UGT2A2: variants seen among roughly 807,000 people sequenced by gnomAD.
UGT2A2 encodes the protein UDP-glucuronosyltransferase 2A2.
In UGT2A2, 60 loss-of-function variants were observed where a neutral mutation model predicts 50.7. That is an observed-to-expected ratio of 1.18 (90% CI 0.96 to 1.47). The LOEUF (loss-of-function observed/expected upper bound fraction) is 1.47, where lower values mean the gene tolerates loss of function less well. Ranked by LOEUF, UGT2A2 falls within the 40% of genes most tolerant of loss-of-function variation. The pLI is 0.00. For missense variants in UGT2A2, 762 were observed against 634.0 expected (o/e 1.20, Z -2.17); for synonymous variants, 242 against 214.6 (o/e 1.13, Z -1.11).
At chr4:69,614,485 A>T (rs1720255582) in intron 1 of UGT2A2, among the ~76,000 whole-genome samples, 1 of 151,988 alleles carries the variant, frequency 6.6e-6, no homozygotes, top group Non-Finnish European at 1.5e-5. Context: ...TAAACTTTGT[A>T]TGGAACCACA....
intron 1 of UGT2A2, among the ~76,000 whole-genome samples, chr4:69,617,236 G>C (rs1230450597): frequency 6.6e-6 from 1 of 151,866 alleles, no homozygotes. Context: ...AATCTCACTT[G>C]AGACTTTCTT....
intron 1 of UGT2A2, among the ~76,000 whole-genome samples, chr4:69,608,337 G>A (rs1719799812): frequency 6.7e-6 from 1 of 148,184 alleles, no homozygotes; most frequent in South Asian, 2.1e-4. Flanking sequence ...AACAAACACT[G>A]CATGTTCTCA....
At chr4:69,599,097 T>C in intron 2 of UGT2A2, 149 bp downstream of exon 2, 1 of 1,191,082 alleles carries the variant, frequency 8.4e-7, no homozygotes, top group African/African-American at 1.5e-5. Flanking sequence ...ATATCACTTG[T>C]AGGAGACCTC....
chr4:69,626,551 T>C (rs1220575944), intron 1 of UGT2A2, among the ~76,000 whole-genome samples: 1 of 151,640 alleles, frequency 6.6e-6, no homozygotes, highest in Non-Finnish European at 1.5e-5. Flanking sequence ...TACTGGGTGA[T>C]GGGATTATTC....
chr4:69,620,079 A>T (rs957639017), intron 1 of UGT2A2, among the ~76,000 whole-genome samples: 1 of 152,068 alleles, frequency 6.6e-6, no homozygotes, highest in Non-Finnish European at 1.5e-5. Flanking sequence ...TGGCAAAGAC[A>T]AGTATGCCCT....
intron 1 of UGT2A2, among the ~76,000 whole-genome samples, chr4:69,617,477 G>A (rs970844676): frequency 8.6e-5 from 13 of 151,810 alleles, no homozygotes; most frequent in East Asian, 7.7e-4. Flanking sequence ...ACGTATATAC[G>A]TAGACGTACA....
chr4:69,599,470 A>G, intron 1 of UGT2A2, 76 bp from the exon 2 acceptor site: 1 of 1,577,392 alleles, frequency 6.3e-7, no homozygotes, highest in Non-Finnish European at 8.5e-7. Flanking sequence ...GCTACCAGTA[A>G]TTTCCTGATA....
At chr4:69,621,850 A>G (rs1720775430) in intron 1 of UGT2A2, among the ~76,000 whole-genome samples, 1 of 151,888 alleles carries the variant, frequency 6.6e-6, no homozygotes, top group Non-Finnish European at 1.5e-5. Flanking sequence ...TGTTTTTTGC[A>G]GGAACATAGA....
rs573876768 is a variant in UGT2A2, at chr4:69,621,278, C to G, written c.742+17621G>C. On this transcript the variant is annotated intron_variant, in intron 1 of 5. Transcript: ENST00000604629. ...ACAAAGATCTAATATCCAGTATTTA[C>G]AGGGAATTTAAACAAACTTACAAGA... is the stretch of plus-strand genomic sequence containing the variant. 2.6e-5 allele frequency among the ~76,000 whole-genome samples: 4 copies of G among 151,992 alleles called. No individual in the cohort carries two copies. The East Asian group carries it at 7.7e-4, about 29-fold the overall frequency.
chr4:69,612,907 G>GAAA (rs34670944), intron 1 of UGT2A2, among the ~76,000 whole-genome samples: 18,487 of 139,776 alleles, frequency 0.13, 1,462 homozygotes, highest in Non-Finnish European at 0.17. Context: ...AACCTCTGCA[G>GAAA]AAAAAAAAAA....
intron 1 of UGT2A2, among the ~76,000 whole-genome samples, chr4:69,631,540 A>G (rs1721388637): frequency 6.6e-6 from 1 of 152,186 alleles, no homozygotes; most frequent in Admixed American, 6.5e-5. Context: ...TTTCCAAGGT[A>G]TATAACAGAA....
At chr4:69,591,469 G>A (rs1718596437) in intron 5 of UGT2A2, among the ~76,000 whole-genome samples, 1 of 152,106 alleles carries the variant, frequency 6.6e-6, no homozygotes, top group Non-Finnish European at 1.5e-5. Flanking sequence ...AAAGGATTGT[G>A]GAGATCCAAG....
intron 2 of UGT2A2, 77 bp from the exon 3 acceptor site, chr4:69,596,458 G>A: frequency 1.4e-6 from 2 of 1,387,514 alleles, no homozygotes; most frequent in East Asian, 2.6e-5. Flanking sequence ...CATTTAAGTA[G>A]GTAAAATTAA....
chr4:69,594,684 G>T lies in UGT2A2; in HGVS notation c.1124C>A (p.Thr375Asn). 3 of 1,613,438 alleles carry T rather than the reference G, an allele frequency of 1.9e-6. No homozygotes were observed. Among genetic ancestry groups the T allele is most frequent in the East Asian group, 2.2e-5 (1 of 44,842 alleles). ...PQNDLLGHPK[T>N]KAFITHGGTN... ...TCCACCATGAGTGATAAAAGCTTTGGTTTTGGGATGTCCTAATTTGAGGAT... is the reference window on the plus strand; with the variant it reads ...TCCACCATGAGTGATAAAAGCTTTGTTTTTGGGATGTCCTAATTTGAGGAT... Residue 375 changes from threonine to asparagine, a missense_variant, in exon 5 of 6, where the codon ACC (threonine) becomes AAC (asparagine). Transcript: ENST00000604629.
chr4:69,598,552 G>T (rs1719068852), intron 2 of UGT2A2, among the ~76,000 whole-genome samples: 1 of 151,954 alleles, frequency 6.6e-6, no homozygotes, highest in Non-Finnish European at 1.5e-5. Flanking sequence ...TTTTATAATA[G>T]CTACTTTATG....
At chr4:69,628,788 G>A (rs1165811025) in intron 1 of UGT2A2, among the ~76,000 whole-genome samples, 2 of 147,766 alleles carry the variant, frequency 1.4e-5, no homozygotes, top group Admixed American at 6.9e-5. Context: ...AATAAAATAC[G>A]TGAAATGCCT....
intron 1 of UGT2A2, among the ~76,000 whole-genome samples, chr4:69,638,060 C>T (rs1223750252): frequency 4.0e-5 from 6 of 151,450 alleles, no homozygotes; most frequent in Non-Finnish European, 8.8e-5. Context: ...AAGGAACGAC[C>T]AAGGGGAGTG....
intron 1 of UGT2A2, among the ~76,000 whole-genome samples, chr4:69,631,346 T>C (rs577204150): frequency 3.3e-5 from 5 of 152,200 alleles, no homozygotes; most frequent in Non-Finnish European, 7.4e-5. Context: ...AAAATTAAAA[T>C]GATAATATTT....
At chr4:69,591,084 T>C (rs1718570218) in intron 5 of UGT2A2, among the ~76,000 whole-genome samples, 1 of 152,174 alleles carries the variant, frequency 6.6e-6, no homozygotes, top group African/African-American at 2.4e-5. Context: ...TATTTAGAAA[T>C]TTCTAACAGT....
Sources: gnomAD v4.1 joint callset for allele counts (sites outside exome capture counted in the v4.1 genomes callset) on GRCh38, gnomAD v4.1.1 for gene constraint, MANE v1.5 for transcripts, NCBI Gene and HGNC (gene_info 2026-07-23, HGNC 2026-07-21) for gene names.